The following TMCO6 variants were observed in gnomAD, a reference collection of about 807,000 sequenced individuals.
TMCO6 encodes transmembrane and coiled-coil domain-containing protein 6.
In TMCO6, 47 loss-of-function variants were observed where a neutral mutation model predicts 61.8. That is an observed-to-expected ratio of 0.76 (90% confidence interval 0.60 to 0.97). The LOEUF (loss-of-function observed/expected upper bound fraction) is 0.97, where lower values mean the gene tolerates loss of function less well. Ranked by LOEUF, TMCO6 falls within the 50% of genes least tolerant of loss-of-function variation. The pLI, the probability that TMCO6 is intolerant of heterozygous loss-of-function variation, is 0.00. For synonymous variants in TMCO6, 261 were observed against 254.2 expected, an observed-to-expected ratio of 1.03 and a Z score of -0.25; for missense variants, 557 against 601.6, an observed-to-expected ratio of 0.93 and a Z score of 0.78.
chr5:140,631,792 C>A, the TMCO6 span: 1 of 1,442,318 alleles, frequency 6.9e-7, no homozygotes, highest in Non-Finnish European at 9.4e-7. Flanking sequence ...AAGTCCTCAA[C>A]GTCCTGACGG....
At chr5:140,630,606 C>A in the TMCO6 span, among the ~76,000 whole-genome samples, 1 of 152,264 alleles carries the variant, frequency 6.6e-6, no homozygotes, top group South Asian at 2.1e-4. Context: ...GTGATCAGAG[C>A]TATTCAAGGG....
At chr5:140,606,999 A>AAAT in the TMCO6 span, among the ~76,000 whole-genome samples, 26 of 134,616 alleles carry the variant, frequency 1.9e-4, no homozygotes, top group African/African-American at 6.6e-4. Flanking sequence ...TAAAAAAAAA[A>AAAT]AATAATAATA....
the TMCO6 span, among the ~76,000 whole-genome samples, chr5:140,605,824 T>A: frequency 4.6e-5 from 7 of 152,188 alleles, no homozygotes; most frequent in Non-Finnish European, 1.0e-4. Context: ...TTTGGTAGAA[T>A]TCACCAGTGA....
chr5:140,624,580 T>A, the TMCO6 span, among the ~76,000 whole-genome samples: 1 of 152,126 alleles, frequency 6.6e-6, no homozygotes, highest in African/African-American at 2.4e-5. Context: ...ATTTCTTTTT[T>A]TATTTTTATT....
At chr5:140,607,038 C>T in the TMCO6 span, among the ~76,000 whole-genome samples, 4 of 150,638 alleles carry the variant, frequency 2.7e-5, no homozygotes, top group Non-Finnish European at 5.9e-5. Context: ...TTATAGACTA[C>T]TGTTTAAAAT....
At chr5:140,627,127 T>C in the TMCO6 span, among the ~76,000 whole-genome samples, 4 of 152,178 alleles carry the variant, frequency 2.6e-5, no homozygotes, top group Non-Finnish European at 5.9e-5. Context: ...ACATTCACTT[T>C]CCTTACGCAC....
the TMCO6 span, among the ~76,000 whole-genome samples, chr5:140,599,064 G>A: frequency 6.6e-6 from 1 of 152,326 alleles, no homozygotes; most frequent in South Asian, 2.1e-4. Flanking sequence ...TTCCAACGGG[G>A]GAATGTGCCC....
At chr5:140,599,160 A>G in the TMCO6 span, among the ~76,000 whole-genome samples, 3 of 152,184 alleles carry the variant, frequency 2.0e-5, no homozygotes, top group African/African-American at 7.2e-5. Context: ...TGCAAGAGGA[A>G]TATGTCTAGA....
rs750420800 is a variant in TMCO6 at position 140,644,162 on chromosome 5, C to G, written c.1168C>G (p.Leu390Val). 6.2e-7 allele frequency: 1 copy of G among 1,614,228 alleles called. No individual in the cohort carries two copies. Among genetic ancestry groups the G allele is most frequent in the South Asian group, 1.1e-5 (1 of 91,082 alleles). The part of the protein sequence containing the change: ...SLDLIEPLLQ[L>V]LPVSNVVSVM... ...GGATCTGATTGAGCCTCTCTTACAG[C>G]TGTTGCCAGTATCTAACGTGGTGAG... The change falls in exon 10 of 12, where the codon CTG becomes GTG. Residue 390 changes from leucine to valine, a missense_variant. Coordinates refer to ENST00000394671, the MANE Select transcript of TMCO6 (RefSeq NM_018502.5).
intron 2 of TMCO6, 138 bp from the exon 3 acceptor site, chr5:140,641,527 G>T (rs1045143937): frequency 2.9e-6 from 2 of 683,626 alleles, no homozygotes; most frequent in African/African-American, 1.8e-5. Context: ...CAAGGTAGAT[G>T]CTTATTAGTT....
At chr5:140,632,867 G>A in the TMCO6 span, 9 of 1,614,024 alleles carry the variant, frequency 5.6e-6, no homozygotes, top group East Asian at 8.9e-5. The surrounding 1 kb of genome is among the most constrained non-coding windows in gnomAD (Gnocchi z 6.2). Context: ...GCTGAGGTTC[G>A]GAGAAGTTGC....
the TMCO6 span, chr5:140,633,103 G>T: frequency 6.2e-7 from 1 of 1,613,778 alleles, no homozygotes; most frequent in Non-Finnish European, 8.5e-7. Context: ...TCTGAGCTCC[G>T]GACAGGCTCT....
At chr5:140,612,334 C>CTTTTTTTTTTTTTTTTTTT in the TMCO6 span, among the ~76,000 whole-genome samples, 1 of 112,230 alleles carries the variant, frequency 8.9e-6, no homozygotes, top group Non-Finnish European at 1.7e-5. Context: ...CTTGCCCAAT[C>CTTTTTTTTTTTTTTTTTTT]TTTTTTTTTT....
At chr5:140,637,971 C>A (rs1291226971), upstream of TMCO6, among the ~76,000 whole-genome samples, 1 of 145,654 alleles carries the variant, frequency 6.9e-6, no homozygotes. Flanking sequence ...TCTTTCTTTT[C>A]TCCCTTTCTT....
chr5:140,642,183 A>G lies in TMCO6; in HGVS notation c.498+130A>G, dbSNP rs1292525411. On this transcript the variant is annotated intron_variant, in intron 4 of 11. Coordinates refer to ENST00000394671, the MANE Select transcript of TMCO6 (RefSeq NM_018502.5). ...TATGCCTACAGCCATGGCTACACCC[A>G]TCATCTCCCCACCCTCTTGTGAGCC... 4 of 1,404,204 alleles carry G rather than the reference A, an allele frequency of 2.8e-6. No homozygotes were observed. In the African/African-American group the frequency reaches 4.3e-5, roughly 15 times the overall value. 87.0% of individuals were successfully genotyped at this position (1,404,204 alleles called of 1,614,324 possible). A position where few individuals can be genotyped will look rare whatever the true frequency, so the allele number is the denominator to read the frequency against.
At chr5:140,598,335 C>G in the TMCO6 span, among the ~76,000 whole-genome samples, 1 of 151,960 alleles carries the variant, frequency 6.6e-6, no homozygotes, top group Admixed American at 6.6e-5. Flanking sequence ...TCCCAAAGTG[C>G]TGGGATTATA....
chr5:140,616,484 C>T, the TMCO6 span, among the ~76,000 whole-genome samples: 1 of 152,120 alleles, frequency 6.6e-6, no homozygotes, highest in East Asian at 1.9e-4. Context: ...AGTGCTTGAG[C>T]CCAGGAGTCT....
the TMCO6 span, chr5:140,632,258 G>A: frequency 6.2e-7 from 1 of 1,613,708 alleles, no homozygotes; most frequent in Non-Finnish European, 8.5e-7. This position sits in a 1 kb window ranked among gnomAD's most constrained non-coding sequence, Gnocchi z 6.2. Flanking sequence ...CCGCCAGTGC[G>A]GCGCACACGC....
At chr5:140,599,329 A>G in the TMCO6 span, among the ~76,000 whole-genome samples, 2 of 152,100 alleles carry the variant, frequency 1.3e-5, no homozygotes, top group African/African-American at 4.8e-5. Flanking sequence ...ACTTTAATCT[A>G]TCCCTCAAAT....
Sources: gnomAD v4.1 joint callset for allele counts (sites outside exome capture counted in the v4.1 genomes callset) on GRCh38, gnomAD v4.1.1 for gene constraint, Gnocchi (gnomAD v3.1) non-coding constraint, MANE v1.5 for transcripts, NCBI Gene and HGNC (gene_info 2026-07-23, HGNC 2026-07-21) for gene names.